The following SORCS1 variants were observed in gnomAD, a reference collection of about 807,000 sequenced individuals.
The protein encoded by SORCS1 is sortilin related VPS10 domain containing receptor 1.
A neutral mutation model predicts 146.1 loss-of-function variants in SORCS1; 60 were observed. The observed-to-expected ratio is 0.41, with a 90% CI of 0.33 to 0.51. The LOEUF (loss-of-function observed/expected upper bound fraction) is 0.51. SORCS1 is among the 20% of genes least tolerant of loss of function. The pLI is 0.21. For missense variants in SORCS1, 1,352 were observed against 1,487.6 expected (o/e 0.91, Z 1.50); for synonymous variants, 637 against 584.0 (o/e 1.09, Z -1.31).
intron 5 of SORCS1, among the ~76,000 whole-genome samples, chr10:106,737,551 C>T (rs958709346): frequency 2.6e-5 from 4 of 151,976 alleles, no homozygotes; most frequent in Non-Finnish European, 5.9e-5. Context: ...ATAATGAAAC[C>T]CCATCTCTAC....
intron 21 of SORCS1, among the ~76,000 whole-genome samples, chr10:106,614,968 AT>A (rs1847257742): frequency 1.3e-5 from 2 of 152,168 alleles, no homozygotes; most frequent in Admixed American, 6.5e-5. Flanking sequence ...CTTTCTTTTA[AT>A]TGATTGTGTG....
At chr10:106,990,733 C>T (rs1956731465) in intron 1 of SORCS1, among the ~76,000 whole-genome samples, 1 of 152,156 alleles carries the variant, frequency 6.6e-6, no homozygotes, top group Non-Finnish European at 1.5e-5. Flanking sequence ...CCATTTCTAC[C>T]TGCATCGCAT....
Position 106,776,592 on chromosome 10 carries a change from C to T in SORCS1, c.827G>A (p.Ser276Asn). 1 of 1,614,026 alleles carries T rather than the reference C, an allele frequency of 6.2e-7. No homozygotes were observed. The highest frequency in any genetic ancestry group is 1.1e-5 in the South Asian group (1 of 91,066). Residue 276 changes from serine to asparagine, a missense_variant, in exon 4 of 26, where the codon AGC becomes AAC. Ser to Asn is a conservative substitution (Grantham distance 46). This residue lies in a region of SORCS1 where 490 missense variants were observed against 489.1 expected (regional missense o/e 1.00). Coordinates refer to ENST00000263054, the MANE Select transcript of SORCS1 (RefSeq NM_052918.5). ...TTCTTGTTTGGGGTGAAAAAGCAAG[C>T]TTTGAATGTAGAAGTTCAGCCGGTA... ...QKYRLNFYIQSLLFHPKQEDW... is the reference protein window; with the variant it reads ...QKYRLNFYIQNLLFHPKQEDW...
At chr10:107,085,824 C>T (rs370914464) in intron 1 of SORCS1, among the ~76,000 whole-genome samples, 3 of 152,168 alleles carry the variant, frequency 2.0e-5, no homozygotes, top group African/African-American at 4.8e-5. Flanking sequence ...AGACAATGAG[C>T]ATTTTGTATT....
chr10:106,855,580 C>CT (rs1296836765), intron 2 of SORCS1, among the ~76,000 whole-genome samples: 1 of 152,102 alleles, frequency 6.6e-6, no homozygotes, highest in East Asian at 1.9e-4. Flanking sequence ...CTTCGATGGT[C>CT]TTTTTTTAAG....
intron 2 of SORCS1, among the ~76,000 whole-genome samples, chr10:106,853,657 AT>A (rs1949674538): frequency 1.3e-5 from 2 of 151,622 alleles, no homozygotes; most frequent in African/African-American, 2.4e-5. Context: ...AATTAATTTT[AT>A]TTTATTTTCC....
intron 20 of SORCS1, among the ~76,000 whole-genome samples, chr10:106,618,930 C>T (rs1386223713): frequency 6.6e-6 from 1 of 152,074 alleles, no homozygotes; most frequent in East Asian, 1.9e-4. Flanking sequence ...GCAATACAAT[C>T]GACTGCTAGG....
chr10:106,648,489 C>A (rs574635268), intron 18 of SORCS1, among the ~76,000 whole-genome samples: 177 of 152,242 alleles, frequency 1.2e-3, no homozygotes, highest in African/African-American at 3.8e-3. Context: ...TTTTAAATCC[C>A]ACAGCTGATT....
At chr10:106,803,427 CTACAGA>C (rs1947010352) in intron 3 of SORCS1, among the ~76,000 whole-genome samples, 1 of 152,128 alleles carries the variant, frequency 6.6e-6, no homozygotes, top group African/African-American at 2.4e-5. Context: ...AATCATTCAC[CTACAGA>C]TAAACGCAGA....
intron 1 of SORCS1, among the ~76,000 whole-genome samples, chr10:107,048,979 C>T (rs767370697): frequency 7.9e-5 from 12 of 151,930 alleles, no homozygotes; most frequent in African/African-American, 1.9e-4. Flanking sequence ...ACAATTATTG[C>T]GGCACTACTC....
intron 1 of SORCS1, among the ~76,000 whole-genome samples, chr10:107,027,912 C>G (rs550095760): frequency 6.6e-6 from 1 of 152,312 alleles, no homozygotes; most frequent in South Asian, 2.1e-4. Context: ...ATGGGAAGAA[C>G]AGTATTCACA....
chr10:106,819,191 CTCTT>C (rs1220930271), intron 3 of SORCS1, among the ~76,000 whole-genome samples: 4 of 152,324 alleles, frequency 2.6e-5, no homozygotes, highest in African/African-American at 9.6e-5. Flanking sequence ...CTGGTTTTGA[CTCTT>C]TATTTCCCAT....
At chr10:106,744,088 G>A (rs922696946) in intron 5 of SORCS1, among the ~76,000 whole-genome samples, 1 of 151,892 alleles carries the variant, frequency 6.6e-6, no homozygotes, top group Non-Finnish European at 1.5e-5. Flanking sequence ...AATATCTATC[G>A]TTTTACTTTT....
At chr10:106,991,216 T>C (rs114646838) in intron 1 of SORCS1, among the ~76,000 whole-genome samples, 1,870 of 152,312 alleles carry the variant, frequency 0.012, 36 homozygotes, top group African/African-American at 0.041. Flanking sequence ...TCCACACCAG[T>C]GCCTATTCAG....
At chr10:106,630,465 C>T (rs1848377617) in intron 18 of SORCS1, among the ~76,000 whole-genome samples, 2 of 152,126 alleles carry the variant, frequency 1.3e-5, no homozygotes, top group Non-Finnish European at 2.9e-5. Flanking sequence ...TTCTAACTCA[C>T]CTTTCTGCAC....
chr10:106,778,345 G>C (rs1342195107), intron 3 of SORCS1, among the ~76,000 whole-genome samples: 3 of 152,032 alleles, frequency 2.0e-5, no homozygotes, highest in Admixed American at 2.0e-4. Flanking sequence ...ATTGCCTCTT[G>C]TACCATGTTC....
the SORCS1 span, among the ~76,000 whole-genome samples, chr10:107,173,320 A>G: frequency 4.6e-5 from 7 of 152,300 alleles, no homozygotes; most frequent in East Asian, 1.3e-3. Context: ...TATGAGGATT[A>G]TGGTTATTAA....
intron 1 of SORCS1, among the ~76,000 whole-genome samples, chr10:107,058,330 C>G (rs1960848937): frequency 6.6e-6 from 1 of 152,104 alleles, no homozygotes; most frequent in Non-Finnish European, 1.5e-5. Flanking sequence ...CATGAGCCAC[C>G]ATGCCTGGCC....
intron 1 of SORCS1, among the ~76,000 whole-genome samples, chr10:106,982,133 G>C (rs575186915): frequency 6.6e-6 from 1 of 152,136 alleles, no homozygotes; most frequent in Non-Finnish European, 1.5e-5. Context: ...CGTAGTCTTC[G>C]ATTAGATTGT....
Sources: allele counts gnomAD v4.1 joint callset (sites outside exome capture counted in the v4.1 genomes callset), GRCh38; gene constraint gnomAD v4.1.1; regional missense constraint gnomAD v4.1.1; transcripts MANE v1.5; gene names NCBI Gene and HGNC (gene_info 2026-07-23, HGNC 2026-07-21).